CDK14: variants seen among roughly 807,000 people sequenced by gnomAD.
CDK14 encodes cyclin dependent kinase 14.
Under a neutral mutation model 60.7 loss-of-function variants are expected in CDK14, and 34 were observed. The observed-to-expected ratio is 0.56, with a 90% CI of 0.43 to 0.75. CDK14 has a LOEUF of 0.75. Ranked by LOEUF, CDK14 falls within the 30% of genes least tolerant of loss-of-function variation. The pLI is 0.00. For missense variants in CDK14, 482 were observed against 564.1 expected (o/e 0.85, Z 1.47); for synonymous variants, 197 against 203.7 (o/e 0.97, Z 0.28).
chr7:90,869,652 A>G (rs1353963937), intron 6 of CDK14, among the ~76,000 whole-genome samples: 5 of 152,228 alleles, frequency 3.3e-5, no homozygotes, highest in African/African-American at 7.2e-5. Flanking sequence ...GGCTATTGCA[A>G]TAAGATCTAA....
chr7:90,837,633 T>C (rs1255392902), intron 5 of CDK14, among the ~76,000 whole-genome samples: 2 of 152,192 alleles, frequency 1.3e-5, no homozygotes, highest in Admixed American at 1.3e-4. Context: ...GAAAGACATG[T>C]TGGGCCTAGA....
chr7:90,729,350 T>TTTTG (rs1802765543), intron 3 of CDK14, among the ~76,000 whole-genome samples: 1 of 120,358 alleles, frequency 8.3e-6, no homozygotes, highest in Non-Finnish European at 1.7e-5. Context: ...CAAGGTTTTT[T>TTTTG]TTTTTTTTTT....
intron 8 of CDK14, among the ~76,000 whole-genome samples, chr7:90,952,506 T>C (rs1794293559): frequency 6.6e-6 from 1 of 152,268 alleles, no homozygotes; most frequent in Non-Finnish European, 1.5e-5. Flanking sequence ...CTGGGGTCTT[T>C]CATTAGTTAG....
chr7:90,916,961 T>C (rs909293409), intron 7 of CDK14, among the ~76,000 whole-genome samples: 2 of 152,216 alleles, frequency 1.3e-5, no homozygotes, highest in Admixed American at 6.5e-5. Flanking sequence ...TTAGGATGGG[T>C]TTGCTCTGAA....
At chr7:90,788,373 C>A (rs1805686276) in intron 4 of CDK14, among the ~76,000 whole-genome samples, 1 of 152,180 alleles carries the variant, frequency 6.6e-6, no homozygotes, top group Non-Finnish European at 1.5e-5. Flanking sequence ...GGTGCAGTCT[C>A]CAGCTGAACC....
intron 8 of CDK14, among the ~76,000 whole-genome samples, chr7:90,943,715 C>T (rs2117519563): frequency 6.6e-6 from 1 of 152,278 alleles, no homozygotes; most frequent in Admixed American, 6.5e-5. Flanking sequence ...GGATCTTGAG[C>T]TTTAACGTGA....
chr7:90,988,496 A>G (rs773651195), intron 10 of CDK14, among the ~76,000 whole-genome samples: 7 of 152,146 alleles, frequency 4.6e-5, no homozygotes, highest in Non-Finnish European at 7.4e-5. Flanking sequence ...GGTGTATTCT[A>G]TTCACCTCCA....
At chr7:90,983,705 G>A (rs1795301918) in intron 9 of CDK14, among the ~76,000 whole-genome samples, 2 of 151,322 alleles carry the variant, frequency 1.3e-5, no homozygotes, top group Admixed American at 1.3e-4. Flanking sequence ...GAATGAAATA[G>A]TGTTGTTTGC....
At chr7:91,174,905 T>G (rs1801672288) in intron 14 of CDK14, among the ~76,000 whole-genome samples, 1 of 139,580 alleles carries the variant, frequency 7.2e-6, no homozygotes, top group Admixed American at 7.2e-5. Context: ...CCAGGAGAAC[T>G]TCCCCAATCT....
At chr7:90,932,560 C>A (rs1793625634) in intron 8 of CDK14, among the ~76,000 whole-genome samples, 1 of 152,132 alleles carries the variant, frequency 6.6e-6, no homozygotes, top group Admixed American at 6.5e-5. Context: ...TTACATCTCC[C>A]AGATTTACTA....
intron 11 of CDK14, among the ~76,000 whole-genome samples, chr7:91,059,957 C>T (rs974256575): frequency 7.1e-4 from 108 of 152,192 alleles, no homozygotes; most frequent in African/African-American, 2.5e-3. Flanking sequence ...TCCTGGGTAT[C>T]CTTGTTAACT....
intron 5 of CDK14, among the ~76,000 whole-genome samples, chr7:90,823,072 A>G (rs1789606010): frequency 6.6e-6 from 1 of 152,212 alleles, no homozygotes; most frequent in Non-Finnish European, 1.5e-5. Flanking sequence ...AGGAGATAAT[A>G]GAAATAGAGG....
At chr7:90,604,297 AG>A in intron 2 of CDK14, 48 bp downstream of exon 2, 1 of 1,225,382 alleles carries the variant, frequency 8.2e-7, no homozygotes, top group Non-Finnish European at 1.1e-6. Flanking sequence ...AATGACTACC[AG>A]GTAAAGTCAG....
chr7:90,895,105 T>C (rs1792253375), intron 6 of CDK14, among the ~76,000 whole-genome samples: 1 of 152,154 alleles, frequency 6.6e-6, no homozygotes, highest in African/African-American at 2.4e-5. Context: ...TATATGTTAT[T>C]TGAAGATTCG....
intron 4 of CDK14, among the ~76,000 whole-genome samples, chr7:90,750,197 CA>C (rs1803778463): frequency 1.1e-4 from 8 of 73,686 alleles, no homozygotes; most frequent in East Asian, 3.0e-4. Flanking sequence ...CACACACACA[CA>C]CACCAATAAT....
intron 11 of CDK14, among the ~76,000 whole-genome samples, chr7:91,062,325 AT>A (rs1242241955): frequency 1.3e-5 from 2 of 152,114 alleles, no homozygotes; most frequent in African/African-American, 4.8e-5. Flanking sequence ...GGGAAAGGGA[AT>A]TCCCTGACCC....
At chr7:90,899,259 G>T (rs757328135) in intron 6 of CDK14, 32 bp from the exon 7 acceptor site, 3 of 1,518,276 alleles carry the variant, frequency 2.0e-6, no homozygotes, top group Non-Finnish European at 2.7e-6. Flanking sequence ...TAGCCAGAGG[G>T]TTATTAATAC....
chr7:90,899,893 T>C (rs1792447458), intron 7 of CDK14, among the ~76,000 whole-genome samples: 1 of 152,164 alleles, frequency 6.6e-6, no homozygotes, highest in South Asian at 2.1e-4. Context: ...CTTGGGAAAT[T>C]ATTCCAAAAT....
At chr7:90,895,870 C>A (rs1792321687) in intron 6 of CDK14, among the ~76,000 whole-genome samples, 1 of 151,250 alleles carries the variant, frequency 6.6e-6, no homozygotes. Flanking sequence ...GCCACCATGC[C>A]CACCCTTGTT....
Sources: allele counts gnomAD v4.1 joint callset (sites outside exome capture counted in the v4.1 genomes callset), GRCh38; gene constraint gnomAD v4.1.1; transcripts MANE v1.5; gene names NCBI Gene and HGNC (gene_info 2026-07-23, HGNC 2026-07-21).